The following PTPRD variants were observed in gnomAD, a reference collection of about 807,000 sequenced individuals.
The protein encoded by PTPRD is receptor-type tyrosine-protein phosphatase delta.
PTPRD carries 34 observed loss-of-function variants against 214.5 expected under a neutral mutation model. That is an observed-to-expected ratio of 0.16 (90% CI 0.12 to 0.21). The LOEUF (loss-of-function observed/expected upper bound fraction) is 0.21, where lower values mean the gene tolerates loss of function less well. Ranked by LOEUF, PTPRD falls within the 10% of genes least tolerant of loss-of-function variation. PTPRD has a pLI of 1.00. For missense variants in PTPRD, 2,545 were observed against 2,398.7 expected (o/e 1.06, Z -1.27); for synonymous variants, 1,128 against 845.7 (o/e 1.33, Z -5.79).
intron 8 of PTPRD, among the ~76,000 whole-genome samples, chr9:9,401,095 A>C (rs924033631): frequency 2.6e-5 from 4 of 152,038 alleles, no homozygotes; most frequent in African/African-American, 7.2e-5. Flanking sequence ...TGGTAGGAAT[A>C]AACAAGCTAT....
chr9:9,917,302 G>GAAAAAAAAA (rs140708788), intron 5 of PTPRD, among the ~76,000 whole-genome samples: 4 of 21,200 alleles, frequency 1.9e-4, no homozygotes, highest in African/African-American at 3.9e-4. Flanking sequence ...TAGCTAGACT[G>GAAAAAAAAA]AAAAAAAAAA....
intron 7 of PTPRD, among the ~76,000 whole-genome samples, chr9:9,714,089 C>CAAAAAA (rs5896350): frequency 0.013 from 1,677 of 126,886 alleles, 37 homozygotes; most frequent in African/African-American, 0.045. Context: ...TTCACTTGCG[C>CAAAAAA]AAAAAAAAAA....
intron 10 of PTPRD, among the ~76,000 whole-genome samples, chr9:9,124,799 C>A (rs868676337): frequency 1.3e-5 from 2 of 152,128 alleles, no homozygotes; most frequent in South Asian, 2.1e-4. Context: ...AGGAGGAAAA[C>A]CACAAAGAAG....
At chr9:8,757,469 G>A (rs974164313) in intron 11 of PTPRD, among the ~76,000 whole-genome samples, 1 of 151,830 alleles carries the variant, frequency 6.6e-6, no homozygotes, top group African/African-American at 2.4e-5. Context: ...CATACAGTTT[G>A]GGTGTAAGAA....
intron 7 of PTPRD, among the ~76,000 whole-genome samples, chr9:9,703,654 G>T (rs942753655): frequency 6.6e-6 from 1 of 152,020 alleles, no homozygotes; most frequent in South Asian, 2.1e-4. Flanking sequence ...GCTATCTGTT[G>T]ATTTGTTCTG....
chr9:9,402,840 T>C (rs549218460), intron 8 of PTPRD, among the ~76,000 whole-genome samples: 75 of 151,340 alleles, frequency 5.0e-4, no homozygotes, highest in African/African-American at 1.7e-3. Flanking sequence ...GAAGAATTAA[T>C]GGGCAGGCAG....
At position 9,100,145 on chromosome 9, in the gene PTPRD, G is replaced by A. The variant is rs556363805; in HGVS notation, c.-142-81410C>T. ...CTGGCAAGCAGGCTCTACAGAATGG[G>A]GTATCTTTACTTGAAAGCATGTGTT... is the stretch of plus-strand genomic sequence containing the variant. On this transcript the variant is annotated intron_variant, in intron 10 of 45. Coordinates refer to ENST00000381196, the MANE Select transcript of PTPRD (RefSeq NM_002839.4). 5.9e-5 allele frequency among the ~76,000 whole-genome samples: 9 copies of A among 152,042 alleles called. No individual in the cohort carries two copies. The East Asian group carries it at 1.7e-3, about 29-fold the overall frequency.
At chr9:9,566,576 G>A (rs983315633) in intron 8 of PTPRD, among the ~76,000 whole-genome samples, 1 of 151,764 alleles carries the variant, frequency 6.6e-6, no homozygotes, top group African/African-American at 2.4e-5. Context: ...ATAAAACCTG[G>A]ATGTTTTATT....
intron 11 of PTPRD, among the ~76,000 whole-genome samples, chr9:8,786,065 G>C (rs2095946982): frequency 6.6e-6 from 1 of 151,842 alleles, no homozygotes; most frequent in South Asian, 2.1e-4. Flanking sequence ...GTGTGTGTGT[G>C]TGTGTACCTC....
At chr9:8,474,450 A>G (rs2096723211) in intron 30 of PTPRD, among the ~76,000 whole-genome samples, 1 of 151,946 alleles carries the variant, frequency 6.6e-6, no homozygotes, top group South Asian at 2.1e-4. Context: ...CCTCCACTCT[A>G]CCTTAGCTGA....
chr9:9,742,631 A>G (rs1280904611), intron 6 of PTPRD, among the ~76,000 whole-genome samples: 1 of 150,562 alleles, frequency 6.6e-6, no homozygotes, highest in African/African-American at 2.4e-5. Flanking sequence ...CATATTCTTT[A>G]TCAACCTTAA....
chr9:10,128,291 T>C (rs947996114), intron 3 of PTPRD, among the ~76,000 whole-genome samples: 4 of 152,156 alleles, frequency 2.6e-5, no homozygotes, highest in African/African-American at 9.7e-5. Context: ...TTATTGCAGC[T>C]GCAATAGTTA....
chr9:9,945,592 T>C (rs1360449066), intron 4 of PTPRD, among the ~76,000 whole-genome samples: 2 of 152,158 alleles, frequency 1.3e-5, no homozygotes, highest in Non-Finnish European at 1.5e-5. Flanking sequence ...GAATTGCACA[T>C]TGCACATGCA....
chr9:9,998,978 T>A (rs912841349), intron 4 of PTPRD, among the ~76,000 whole-genome samples: 3 of 152,142 alleles, frequency 2.0e-5, no homozygotes, highest in Non-Finnish European at 4.4e-5. Context: ...AGGGATGCAT[T>A]GCAGGGGACA....
At chr9:9,051,765 T>C (rs1315308742) in intron 10 of PTPRD, among the ~76,000 whole-genome samples, 1 of 152,208 alleles carries the variant, frequency 6.6e-6, no homozygotes, top group Non-Finnish European at 1.5e-5. Flanking sequence ...TTTAGGTTTT[T>C]ATTTCACCCA....
intron 8 of PTPRD, among the ~76,000 whole-genome samples, chr9:9,398,484 C>T (rs62532927): frequency 0.079 from 12,025 of 151,942 alleles, 662 homozygotes; most frequent in Non-Finnish European, 0.12. Flanking sequence ...GCACATTTTC[C>T]ATATTTTGTC....
intron 8 of PTPRD, among the ~76,000 whole-genome samples, chr9:9,403,073 T>A (rs1208312121): frequency 6.7e-6 from 1 of 149,974 alleles, no homozygotes; most frequent in Non-Finnish European, 1.5e-5. Flanking sequence ...GTGGATCACT[T>A]GAGGTTAGAA....
chr9:8,616,957 G>C (rs2095632415), intron 14 of PTPRD, among the ~76,000 whole-genome samples: 1 of 152,152 alleles, frequency 6.6e-6, no homozygotes, highest in African/African-American at 2.4e-5. Context: ...TCAGTTGGTA[G>C]TGGTTTAATC....
intron 7 of PTPRD, among the ~76,000 whole-genome samples, chr9:9,636,920 CA>C (rs1465153477): frequency 6.6e-6 from 1 of 152,124 alleles, no homozygotes; most frequent in African/African-American, 2.4e-5. Context: ...TCTCTGCTTC[CA>C]AGGTGCACCT....
Sources: gnomAD v4.1 joint callset for allele counts (sites outside exome capture counted in the v4.1 genomes callset) on GRCh38, gnomAD v4.1.1 for gene constraint, MANE v1.5 for transcripts, NCBI Gene and HGNC (gene_info 2026-07-23, HGNC 2026-07-21) for gene names.